Variants in LRRC69 observed in about 807,000 individuals in gnomAD.
LRRC69 encodes leucine rich repeat containing 69, also known as leucine-rich repeat-containing protein 69.
LRRC69 carries 42 observed loss-of-function variants against 37.8 expected under a neutral mutation model. That is an observed-to-expected ratio of 1.11 (90% confidence interval 0.87 to 1.44). The LOEUF is 1.44. Ranked by LOEUF, LRRC69 falls within the 40% of genes most tolerant of loss-of-function variation. LRRC69 has a pLI of 0.00. For synonymous variants in LRRC69, 141 were observed against 143.1 expected (o/e 0.99, Z 0.11); for missense variants, 357 against 401.9 (o/e 0.89, Z 0.96).
chr8:91,189,622 A>G (rs747261578), exon 6 of LRRC69: 13 of 1,538,544 alleles, frequency 8.4e-6, no homozygotes, highest in South Asian at 3.6e-5. Context: ...TGGAGTCTAC[A>G]GGTGAAGACT....
At chr8:91,147,062 G>T (rs1172992312) in intron 5 of LRRC69, among the ~76,000 whole-genome samples, 7 of 151,350 alleles carry the variant, frequency 4.6e-5, no homozygotes, top group African/African-American at 1.7e-4. Context: ...TGTTCTCCAG[G>T]CTTTAATCCT....
At chr8:91,160,056 A>G (rs938221962) in intron 5 of LRRC69, among the ~76,000 whole-genome samples, 2 of 151,084 alleles carry the variant, frequency 1.3e-5, no homozygotes, top group Admixed American at 1.3e-4. Context: ...GCCCTCTTTA[A>G]TTTCTTTTAG....
chr8:91,177,944 G>GTTC (rs1809262676), intron 5 of LRRC69, among the ~76,000 whole-genome samples: 1 of 150,692 alleles, frequency 6.6e-6, no homozygotes, highest in Non-Finnish European at 1.5e-5. Context: ...CGCCTCCCGG[G>GTTC]TTCATGCCAT....
intron 5 of LRRC69, among the ~76,000 whole-genome samples, chr8:91,177,935 G>A (rs1218515651): frequency 2.1e-5 from 3 of 145,636 alleles, no homozygotes; most frequent in South Asian, 4.3e-4. Context: ...GGTACGCTCC[G>A]CCTCCCGGGT....
intron 5 of LRRC69, among the ~76,000 whole-genome samples, chr8:91,144,015 C>T (rs1808575016): frequency 6.6e-6 from 1 of 151,924 alleles, no homozygotes; most frequent in African/African-American, 2.4e-5. Flanking sequence ...AGGAAAGTGT[C>T]TCACATAACA....
chr8:91,166,800 C>T (rs1425754638), intron 5 of LRRC69, among the ~76,000 whole-genome samples: 1 of 151,752 alleles, frequency 6.6e-6, no homozygotes, highest in East Asian at 1.9e-4. Context: ...CCAGTACTAC[C>T]CGTCCTCATA....
chr8:91,168,661 G>A (rs1003578964), intron 5 of LRRC69, among the ~76,000 whole-genome samples: 1 of 151,754 alleles, frequency 6.6e-6, no homozygotes, highest in Non-Finnish European at 1.5e-5. Flanking sequence ...TACTACTCCT[G>A]GCCTGCTCAA....
At chr8:91,144,630 T>C (rs551127750) in intron 5 of LRRC69, among the ~76,000 whole-genome samples, 21 of 152,102 alleles carry the variant, frequency 1.4e-4, no homozygotes, top group African/African-American at 5.1e-4. Flanking sequence ...CGTCTCTTCT[T>C]TTCTTGGATA....
intron 7 of LRRC69, among the ~76,000 whole-genome samples, chr8:91,217,250 G>A (rs1265913986): frequency 3.3e-5 from 5 of 152,126 alleles, no homozygotes; most frequent in African/African-American, 1.2e-4. Context: ...ACTCGTGGTT[G>A]CAAATTAAAG....
intron 5 of LRRC69, among the ~76,000 whole-genome samples, chr8:91,147,747 G>A (rs1808647994): frequency 6.6e-6 from 1 of 151,668 alleles, no homozygotes; most frequent in Non-Finnish European, 1.5e-5. Flanking sequence ...TGTGCAGAAT[G>A]TGCAGGTTTG....
At chr8:91,114,126 A>G (rs1165468814) in intron 1 of LRRC69, among the ~76,000 whole-genome samples, 1 of 151,904 alleles carries the variant, frequency 6.6e-6, no homozygotes, top group African/African-American at 2.4e-5. Flanking sequence ...TATTTTACAC[A>G]TGTTAGAATG....
intron 5 of LRRC69, among the ~76,000 whole-genome samples, chr8:91,174,280 A>G (rs958583784): frequency 3.9e-5 from 6 of 152,204 alleles, no homozygotes; most frequent in Admixed American, 2.6e-4. Context: ...ATGAAAAGCT[A>G]AAAAACAGTA....
chr8:91,214,803 G>T (rs541847369), intron 7 of LRRC69, among the ~76,000 whole-genome samples: 1 of 151,816 alleles, frequency 6.6e-6, no homozygotes, highest in South Asian at 2.1e-4. Context: ...TGACTTGACA[G>T]AAATTTTTTT....
chr8:91,152,593 A>G (rs1359354383), intron 5 of LRRC69, among the ~76,000 whole-genome samples: 1 of 151,504 alleles, frequency 6.6e-6, no homozygotes, highest in Non-Finnish European at 1.5e-5. Context: ...TTTGCTTAGG[A>G]TTGTCTTGGC....
intron 5 of LRRC69, among the ~76,000 whole-genome samples, chr8:91,162,480 A>G (rs1808962363): frequency 6.6e-6 from 1 of 151,382 alleles, no homozygotes; most frequent in South Asian, 2.1e-4. Context: ...CTCTTACTGA[A>G]TTAATCCCTT....
chr8:91,133,291 G>C, exon 4 of LRRC69: 2 of 1,503,958 alleles, frequency 1.3e-6, no homozygotes, highest in Non-Finnish European at 1.8e-6. Context: ...AAACAACATT[G>C]GAGTTTTGCC....
intron 5 of LRRC69, among the ~76,000 whole-genome samples, chr8:91,142,209 G>A (rs1296610866): frequency 1.3e-5 from 2 of 151,780 alleles, no homozygotes; most frequent in African/African-American, 4.8e-5. Context: ...TCATCACCAG[G>A]GAGCATCATG....
intron 3 of LRRC69, among the ~76,000 whole-genome samples, chr8:91,132,093 C>T (rs10113232): frequency 0.089 from 13,474 of 151,896 alleles, 1,097 homozygotes; most frequent in African/African-American, 0.21. Flanking sequence ...CCTCCAGTCT[C>T]CCATTTTCAA....
intron 5 of LRRC69, chr8:91,158,335 A>G: frequency 6.8e-7 from 1 of 1,465,106 alleles, no homozygotes; most frequent in Non-Finnish European, 9.6e-7. Flanking sequence ...TTCTGTTTCT[A>G]GTTTTTGATG....
Sources: gnomAD v4.1 joint callset for allele counts (sites outside exome capture counted in the v4.1 genomes callset) on GRCh38, gnomAD v4.1.1 for gene constraint, MANE v1.5 for transcripts, NCBI Gene and HGNC (gene_info 2026-07-23, HGNC 2026-07-21) for gene names.